RECQL5: variants seen among roughly 807,000 people sequenced by gnomAD.
RECQL5 encodes RecQ like helicase 5.
A neutral mutation model predicts 103.4 loss-of-function variants in RECQL5; 88 were observed. The observed-to-expected ratio is 0.85, with a 90% CI of 0.72 to 1.02. The LOEUF (loss-of-function observed/expected upper bound fraction) is 1.02. RECQL5 is among the 50% of genes least tolerant of loss of function. RECQL5 has a pLI of 0.00. For synonymous variants in RECQL5, 552 were observed against 507.9 expected, an observed-to-expected ratio of 1.09 and a Z score of -1.17; for missense variants, 1,232 against 1,284.3, an observed-to-expected ratio of 0.96 and a Z score of 0.62.
intron 18 of RECQL5, 135 bp downstream of exon 18, chr17:75,628,083 A>G: frequency 1.3e-6 from 1 of 752,374 alleles, no homozygotes; most frequent in Admixed American, 2.2e-5. Flanking sequence ...ACGGCAAGGC[A>G]GGCCCCAGGG....
Position 75,661,734 on chromosome 17 carries a change from A to G in RECQL5, c.772-26T>C, listed in dbSNP as rs757424825. Reference sequence around the variant, plus strand: ...CTGAATGGGGAGATGCAGGAAGAAAATAAGCATAGCAAGAACAGAACAATA... The same window carrying G: ...CTGAATGGGGAGATGCAGGAAGAAAGTAAGCATAGCAAGAACAGAACAATA... On this transcript the variant is annotated intron_variant, in intron 4 of 19. Transcript: ENST00000317905. The G allele has an allele frequency of 2.5e-5, 39 of 1,556,148 alleles. No homozygotes were observed. The South Asian group carries it at 4.0e-4, about 16-fold the overall frequency.
intron 8 of RECQL5, among the ~76,000 whole-genome samples, chr17:75,643,346 A>C (rs1362443033): frequency 6.6e-6 from 1 of 152,258 alleles, no homozygotes. Context: ...GAGAGGTGGG[A>C]ACCACAGACA....
Position 75,631,677 on chromosome 17 carries a change from G to A in RECQL5, c.1230-9C>T. The A allele has an allele frequency of 6.2e-7, 1 of 1,609,808 alleles. No homozygotes were observed. The highest frequency in any genetic ancestry group is 8.5e-7 in the Non-Finnish European group (1 of 1,179,298). ...TGGCGGCATGGCGGCACCTGGAGCAGGCAGCACCGCAGAGGTGAGGGGCGG... is the reference window on the plus strand; with the variant it reads ...TGGCGGCATGGCGGCACCTGGAGCAAGCAGCACCGCAGAGGTGAGGGGCGG... On this transcript the variant is annotated splice_polypyrimidine_tract_variant and intron_variant, in intron 8 of 19. Coordinates refer to ENST00000317905, the MANE Select transcript of RECQL5 (RefSeq NM_004259.7).
chr17:75,634,119 C>T (rs2059273957), intron 8 of RECQL5: 1 of 985,522 alleles, frequency 1.0e-6, no homozygotes, highest in Middle Eastern at 5.2e-4. Context: ...GGAGCAGCGG[C>T]GCCCACGAAG....
Position 75,667,118 on chromosome 17 carries a change from C to CA in RECQL5, c.-90dup, listed in dbSNP as rs2059798564. 4.5e-5 allele frequency: 23 copies of CA among 512,720 alleles called. No individual in the cohort carries two copies. In the South Asian group the frequency reaches 4.7e-4, roughly 10 times the overall value. 31.8% of individuals were successfully genotyped at this position (512,720 alleles called of 1,614,324 possible). A position where few individuals can be genotyped will look rare whatever the true frequency, so the allele number is the denominator to read the frequency against. ...GGAACTGTTCGAAGACCCCTATACA[C>CA]AACCCCAACTCAGAGAAGCCAAAGC... On this transcript the variant is annotated 5_prime_UTR_variant, in exon 1 of 20. Transcript: ENST00000317905.
At chr17:75,666,902 T>G (rs1301001809) in intron 1 of RECQL5, 142 bp downstream of exon 1, 4 of 274,880 alleles carry the variant, frequency 1.5e-5, no homozygotes, top group Non-Finnish European at 2.8e-5. Context: ...ATCCACCACC[T>G]GCTCCTACTT....
intron 8 of RECQL5, among the ~76,000 whole-genome samples, chr17:75,645,317 C>G (rs2059476669): frequency 6.6e-6 from 1 of 152,206 alleles, no homozygotes; most frequent in South Asian, 2.1e-4. Flanking sequence ...TCTCCACTCG[C>G]TCTGAGGTGC....
chr17:75,630,546 T>A (rs1222485620), intron 13 of RECQL5, 73 bp downstream of exon 13: 1 of 1,519,796 alleles, frequency 6.6e-7, no homozygotes, highest in Non-Finnish European at 9.1e-7. Context: ...CAGGCCAGGG[T>A]TGACAGGGTC....
chr17:75,628,945 CCT>C lies in RECQL5; in HGVS notation c.2476_2477del (p.Arg826GlyfsTer15), dbSNP rs765338822. The C allele has an allele frequency of 7.0e-6, 11 of 1,573,012 alleles. No individual in the cohort carries two copies. The highest frequency in any genetic ancestry group is 8.6e-6 in the Non-Finnish European group (10 of 1,165,128). On this transcript the variant is annotated frameshift_variant, in exon 16 of 20. Transcript: ENST00000317905. LOFTEE classifies it high-confidence loss of function. ...PAPPQTEECL[R>X]ERPSTCPPRD... ...ACCTGTACCCTTACCTTGGCCTCTC[CCT>C]GAGGCACTCCTCAGTCTGGGGAGGG... is the stretch of plus-strand genomic sequence containing the variant.
intron 7 of RECQL5, among the ~76,000 whole-genome samples, chr17:75,657,501 T>C (rs1000807540): frequency 7.9e-5 from 12 of 151,302 alleles, no homozygotes; most frequent in Middle Eastern, 3.4e-3. Context: ...GTAATCTCAG[T>C]AGTTTGGGAG....
At chr17:75,660,199 TG>T (rs2059681288) in intron 6 of RECQL5, among the ~76,000 whole-genome samples, 1 of 152,138 alleles carries the variant, frequency 6.6e-6, no homozygotes, top group Non-Finnish European at 1.5e-5. Context: ...CCCAAGTAGC[TG>T]GGACTACAGG....
intron 1 of RECQL5, chr17:75,666,800 C>A: frequency 2.0e-6 from 1 of 511,178 alleles, no homozygotes; most frequent in Non-Finnish European, 3.5e-6. Flanking sequence ...CTATTCCAGG[C>A]CACGGTATAG....
rs35967086 is a variant in RECQL5 at position 75,660,979 on chromosome 17, A to G, written c.962T>C (p.Met321Thr). The change falls in exon 6 of 20, where the codon ATG (methionine) becomes ACG (threonine). Residue 321 changes from methionine to threonine, a missense_variant. Physicochemically the swap from Met to Thr is moderately conservative, Grantham distance 81. Transcript: ENST00000317905. ...CCTGACATTGGCTTTATCCACTCCC[A>G]TCCCAAAACTAATGGTTGCAACAAT... ...PVIVATISFG[M>T]GVDKANVRFV... 4.3e-6 allele frequency: 7 copies of G among 1,614,092 alleles called. No homozygotes were observed. In the African/African-American group the frequency reaches 8.0e-5, roughly 18 times the overall value.
At chr17:75,645,107 G>C (rs1230197181) in intron 8 of RECQL5, among the ~76,000 whole-genome samples, 1 of 152,142 alleles carries the variant, frequency 6.6e-6, no homozygotes, top group East Asian at 1.9e-4. Context: ...TCTAGTTTTG[G>C]TTTCTTTAAA....
At chr17:75,631,704 G>A in intron 8 of RECQL5, 36 bp from the exon 9 acceptor site, 1 of 1,593,380 alleles carries the variant, frequency 6.3e-7, no homozygotes, top group Non-Finnish European at 8.6e-7. Flanking sequence ...GAGGGGCGGA[G>A]AGCCCAGTCG....
chr17:75,655,039 T>C (rs1474681929), intron 7 of RECQL5, among the ~76,000 whole-genome samples: 7 of 152,214 alleles, frequency 4.6e-5, no homozygotes, highest in African/African-American at 1.7e-4. Flanking sequence ...GATCCTCCCA[T>C]GTCATTCTCC....
chr17:75,646,789 A>C (rs2148305651), intron 8 of RECQL5: 1 of 153,076 alleles, frequency 6.5e-6, no homozygotes, highest in African/African-American at 2.4e-5. Context: ...AGAATCAGGT[A>C]ATGGCTCCCT....
At position 75,629,019 on chromosome 17, in the gene RECQL5, C is replaced by G; in HGVS notation, c.2404G>C (p.Glu802Gln). ...EGVQGPPMAP[E>Q]KYTGEEDGAG... ...CCATCTTCCTCCCCTGTGTACTTCT[C>G]TGGGGCCATCGGGGGTCCCTGAACC... Residue 802 changes from glutamate to glutamine, a missense_variant, in exon 16 of 20, where the codon GAG (glutamate) becomes CAG (glutamine). Transcript: ENST00000317905. 1 of 1,583,142 alleles carries G rather than the reference C, an allele frequency of 6.3e-7. No individual in the cohort carries two copies. Among genetic ancestry groups the G allele is most frequent in the African/African-American group, 1.4e-5 (1 of 73,908 alleles).
chr17:75,636,051 T>A lies in RECQL5; in HGVS notation c.1230-4383A>T, dbSNP rs2059315622. Among the ~76,000 whole-genome samples, 1 of 152,196 alleles carries A rather than the reference T, an allele frequency of 6.6e-6. No homozygotes were observed. Among genetic ancestry groups the A allele is most frequent in the South Asian group, 2.1e-4 (1 of 4,828 alleles). ...TGAGTGTTTCCCCTGTGCTGACCGC[T>A]ACTGCAGCCAGGGCACACCCTCTGA... On this transcript the variant is annotated intron_variant, in intron 8 of 19. Transcript: ENST00000317905. The surrounding 1 kb of genome is among the most constrained non-coding windows in gnomAD (Gnocchi z 5.4).
Sources: allele counts gnomAD v4.1 joint callset (sites outside exome capture counted in the v4.1 genomes callset), GRCh38; gene constraint gnomAD v4.1.1; non-coding constraint Gnocchi (gnomAD v3.1); transcripts MANE v1.5; gene names NCBI Gene and HGNC (gene_info 2026-07-23, HGNC 2026-07-21).